SLC45A4: variants seen among roughly 807,000 people sequenced by gnomAD.
The protein encoded by SLC45A4 is solute carrier family 45 member 4, also known as polyamine-transporter SLC45A4.
A neutral mutation model predicts 63.7 loss-of-function variants in SLC45A4; 32 were observed. The observed-to-expected ratio is 0.50, with a 90% CI of 0.38 to 0.67. The LOEUF is 0.67. Among genes scored for constraint, SLC45A4 ranks in the 30% least tolerant of loss-of-function variants. SLC45A4 has a pLI of 0.00. For synonymous variants in SLC45A4, 535 were observed against 510.0 expected, an observed-to-expected ratio of 1.05 and a Z score of -0.66; for missense variants, 1,027 against 1,157.7, an observed-to-expected ratio of 0.89 and a Z score of 1.64.
At chr8:141,283,645 C>G (rs1420813057) in intron 1 of SLC45A4, among the ~76,000 whole-genome samples, 2 of 152,218 alleles carry the variant, frequency 1.3e-5, no homozygotes, top group African/African-American at 4.8e-5. Context: ...AAGTGCAAAG[C>G]CTCAAGGATT....
intron 1 of SLC45A4, among the ~76,000 whole-genome samples, chr8:141,268,042 C>T (rs1829350599): frequency 6.6e-6 from 1 of 152,154 alleles, no homozygotes; most frequent in Admixed American, 6.5e-5. Flanking sequence ...TCGTCATTGC[C>T]AAAACTTGGA....
chr8:141,301,713 G>C (rs1175018450), intron 1 of SLC45A4, among the ~76,000 whole-genome samples: 2 of 112,588 alleles, frequency 1.8e-5, no homozygotes, highest in Non-Finnish European at 3.6e-5. Context: ...CCAGCCTGGG[G>C]GACAGAATGA....
At chr8:141,221,432 C>T (rs924634862) in intron 3 of SLC45A4, 145 bp downstream of exon 3, 15 of 1,048,648 alleles carry the variant, frequency 1.4e-5, no homozygotes, top group South Asian at 8.6e-5. Context: ...GGGTGGTCAC[C>T]GCCAGGGTGG....
chr8:141,272,358 C>T (rs1829573437), intron 1 of SLC45A4, among the ~76,000 whole-genome samples: 1 of 152,204 alleles, frequency 6.6e-6, no homozygotes, highest in African/African-American at 2.4e-5. Context: ...GCTGATCTCG[C>T]AGACTGGGCT....
chr8:141,242,925 G>C (rs147983808), intron 2 of SLC45A4, among the ~76,000 whole-genome samples: 217 of 152,338 alleles, frequency 1.4e-3, no homozygotes, highest in African/African-American at 4.9e-3. Flanking sequence ...AGAGGCGACG[G>C]GATTTTCAAA....
rs1235187911 is a variant in SLC45A4, at chr8:141,211,382, C to T, written c.*190G>A. 21 of 1,500,478 alleles carry T rather than the reference C, an allele frequency of 1.4e-5. No homozygotes were observed. Among genetic ancestry groups the T allele is most frequent in the Middle Eastern group, 2.5e-4 (1 of 4,014 alleles). The allele number at this position is 1,500,478 out of a possible 1,614,324, so 92.9% of individuals were successfully genotyped here. A position where few individuals can be genotyped will look rare whatever the true frequency, so the allele number is the denominator to read the frequency against. On this transcript the variant is annotated 3_prime_UTR_variant, in exon 9 of 9. Coordinates refer to ENST00000517878, the MANE Select transcript of SLC45A4 (RefSeq NM_001286646.2). The stretch of plus-strand genomic sequence containing the variant: ...AGGAGCTCGTCTGGAGCTCACGCTC[C>T]GCCCCCAGGTGGTGCCCAGCCCATC...
chr8:141,226,958 C>T (rs12544863), intron 2 of SLC45A4: 50,108 of 152,152 alleles, frequency 0.33, 8,995 homozygotes, highest in Non-Finnish European at 0.4. Flanking sequence ...AAAACGGCCC[C>T]GGGAGGGCAC....
At chr8:141,280,838 C>T (rs183420200) in intron 1 of SLC45A4, among the ~76,000 whole-genome samples, 43 of 152,360 alleles carry the variant, frequency 2.8e-4, no homozygotes, top group African/African-American at 7.0e-4. Flanking sequence ...GTCCGGGCAC[C>T]TCCCGAAGGA....
chr8:141,219,859 G>C, intron 3 of SLC45A4, 30 bp from the exon 4 acceptor site: 1 of 1,525,798 alleles, frequency 6.6e-7, no homozygotes, highest in Non-Finnish European at 8.8e-7. Flanking sequence ...GGGCGGTCAG[G>C]TCCTCAAGCA....
At chr8:141,230,790 G>A (rs1466743955) in intron 2 of SLC45A4, among the ~76,000 whole-genome samples, 1 of 151,714 alleles carries the variant, frequency 6.6e-6, no homozygotes, top group Non-Finnish European at 1.5e-5. Flanking sequence ...ATGAAAAGAA[G>A]AGAAATGCTG....
At chr8:141,231,316 G>A (rs950910512) in intron 2 of SLC45A4, among the ~76,000 whole-genome samples, 1 of 152,200 alleles carries the variant, frequency 6.6e-6, no homozygotes, top group Non-Finnish European at 1.5e-5. Flanking sequence ...AAGGTGCCTG[G>A]GCTGGGACAC....
At chr8:141,246,416 G>A (rs1361844140) in intron 2 of SLC45A4, among the ~76,000 whole-genome samples, 2 of 152,240 alleles carry the variant, frequency 1.3e-5, no homozygotes, top group Non-Finnish European at 2.9e-5. Context: ...TCGGCCCTGG[G>A]GGTGTTGGCT....
chr8:141,295,043 C>T (rs1830493954), intron 1 of SLC45A4, among the ~76,000 whole-genome samples: 1 of 152,236 alleles, frequency 6.6e-6, no homozygotes, highest in Admixed American at 6.5e-5. Flanking sequence ...CAGGAGAGAG[C>T]TGCGGGCAGG....
At chr8:141,290,590 A>C (rs1030036019) in intron 1 of SLC45A4, among the ~76,000 whole-genome samples, 5 of 152,230 alleles carry the variant, frequency 3.3e-5, no homozygotes, top group Admixed American at 3.3e-4. Context: ...CAACGACATG[A>C]AACACAACAA....
At chr8:141,235,358 G>A (rs940071444) in intron 2 of SLC45A4, among the ~76,000 whole-genome samples, 2 of 152,290 alleles carry the variant, frequency 1.3e-5, no homozygotes, top group East Asian at 3.9e-4. Flanking sequence ...CACAGCGGGT[G>A]TGTCTGTAGA....
At position 141,252,073 on chromosome 8, in the gene SLC45A4, T is replaced by G. The variant is rs559588683; in HGVS notation, c.241+1916A>C. Among the ~76,000 whole-genome samples the G allele has an allele frequency of 2.9e-4, 44 of 149,970 alleles. No individual in the cohort carries two copies. The Middle Eastern group carries it at 0.014, about 47-fold the overall frequency. On this transcript the variant is annotated intron_variant, in intron 2 of 8. Transcript: ENST00000517878. The stretch of plus-strand genomic sequence containing the variant: ...ACATCCCTAAAACAACCAAAATAAG[T>G]AGGCTTGAAAATACTTTACCATGCA...
At chr8:141,221,864 C>T (rs576816146) in intron 2 of SLC45A4, 99 bp from the exon 3 acceptor site, 46 of 1,183,516 alleles carry the variant, frequency 3.9e-5, no homozygotes, top group African/African-American at 2.9e-4. Context: ...TCTGTGTACA[C>T]GCACGCATGC....
intron 1 of SLC45A4, among the ~76,000 whole-genome samples, chr8:141,289,894 A>G (rs1034590986): frequency 2.0e-5 from 3 of 151,872 alleles, no homozygotes. Context: ...CGGACACTGG[A>G]GCGAGGTGCC....
chr8:141,257,166 C>T (rs532183513), intron 1 of SLC45A4, among the ~76,000 whole-genome samples: 1 of 152,190 alleles, frequency 6.6e-6, no homozygotes, highest in Non-Finnish European at 1.5e-5. Context: ...CTATTTCTAA[C>T]ATATGCAAAG....
Sources: gnomAD v4.1 joint callset for allele counts (sites outside exome capture counted in the v4.1 genomes callset) on GRCh38, gnomAD v4.1.1 for gene constraint, MANE v1.5 for transcripts, NCBI Gene and HGNC (gene_info 2026-07-23, HGNC 2026-07-21) for gene names.